RGS12: variants seen among roughly 807,000 people sequenced by gnomAD.
RGS12 encodes regulator of G-protein signaling 12.
RGS12 carries 66 observed loss-of-function variants against 120.1 expected under a neutral mutation model. The observed-to-expected ratio is 0.55, with a 90% CI of 0.45 to 0.67. RGS12 has a LOEUF of 0.67. RGS12 is among the 30% of genes least tolerant of loss of function. RGS12 has a pLI of 0.00. For missense variants in RGS12, 1,859 were observed against 1,957.7 expected (o/e 0.95, Z 0.95); for synonymous variants, 827 against 804.7 (o/e 1.03, Z -0.47).
chr4:3,437,877 G>T (rs55699784), intron 17 of RGS12, among the ~76,000 whole-genome samples: 1 of 152,036 alleles, frequency 6.6e-6, no homozygotes, highest in Non-Finnish European at 1.5e-5. Flanking sequence ...CACACCTTCC[G>T]CCCGCAGCCC....
At chr4:3,425,342 G>A (rs888602557) in intron 13 of RGS12, 122 bp from the exon 14 acceptor site, 120 of 859,476 alleles carry the variant, frequency 1.4e-4, no homozygotes, top group Admixed American at 2.5e-4. Flanking sequence ...GCCTCACCTC[G>A]GGGCCATCTC....
At position 3,423,564 on chromosome 4, in the gene RGS12, A is replaced by C; in HGVS notation, c.3157A>C (p.Thr1053Pro). 1 of 1,612,986 alleles carries C rather than the reference A, an allele frequency of 6.2e-7. No homozygotes were observed. The highest frequency in any genetic ancestry group is 8.5e-7 in the Non-Finnish European group (1 of 1,179,952). ...GTCAGTGGGACTCAAGGCCAAGCCCACCAAGCCCGTCACGGAGGTGCTGCG... is the reference window on the plus strand; with the variant it reads ...GTCAGTGGGACTCAAGGCCAAGCCCCCCAAGCCCGTCACGGAGGTGCTGCG... ...NRSVGLKAKP[T>P]KPVTEVLRPV... Residue 1053 changes from threonine to proline, a missense_variant, in exon 13 of 18, where the codon ACC (threonine) becomes CCC (proline). Physicochemically the swap from Thr to Pro is conservative, Grantham distance 38. This residue lies in a region of RGS12 where 375 missense variants were observed against 475.0 expected (regional missense o/e 0.79). Coordinates refer to ENST00000336727, the MANE Select transcript of RGS12 (RefSeq NM_001394154.1).
At position 3,414,779 on chromosome 4, in the gene RGS12, G is replaced by C. The variant is rs1722154235; in HGVS notation, c.2218G>C (p.Glu740Gln). The change falls in exon 6 of 18, where the codon GAA (glutamate) becomes CAA (glutamine). Residue 740 changes from glutamate to glutamine, a missense_variant. Transcript: ENST00000336727. Reference sequence around the variant, plus strand: ...TTTTCTAAGGAAAGAATTCAGTGAAGAAAACATTTTATTCTGGCAGGCCTG... The same window carrying C: ...TTTTCTAAGGAAAGAATTCAGTGAACAAAACATTTTATTCTGGCAGGCCTG... Reference protein sequence around the residue: ...SDFLRKEFSEENILFWQACEY... With the variant: ...SDFLRKEFSEQNILFWQACEY... 2 of 1,612,864 alleles carry C rather than the reference G, an allele frequency of 1.2e-6. No individual in the cohort carries two copies. The highest frequency in any genetic ancestry group is 1.7e-6 in the Non-Finnish European group (2 of 1,179,054).
chr4:3,307,320 C>G (rs1724031456), intron 1 of RGS12, among the ~76,000 whole-genome samples: 1 of 152,176 alleles, frequency 6.6e-6, no homozygotes. Flanking sequence ...GCTGCGGCAG[C>G]GTGTGCACAC....
chr4:3,346,982 G>A (rs1713854803), intron 3 of RGS12, among the ~76,000 whole-genome samples: 1 of 145,188 alleles, frequency 6.9e-6, no homozygotes, highest in African/African-American at 2.5e-5. Flanking sequence ...GCTACAAAGA[G>A]GGAACAGATT....
intron 3 of RGS12, among the ~76,000 whole-genome samples, chr4:3,377,297 C>A (rs1717807093): frequency 6.6e-6 from 1 of 152,162 alleles, no homozygotes; most frequent in Admixed American, 6.5e-5. Context: ...GTCTCGAACT[C>A]CTGAGCTCAA....
upstream of RGS12, among the ~76,000 whole-genome samples, chr4:3,288,905 C>T (rs566360297): frequency 3.3e-5 from 5 of 152,186 alleles, no homozygotes; most frequent in Non-Finnish European, 5.9e-5. The surrounding 1 kb of genome is among the most constrained non-coding windows in gnomAD (Gnocchi z 5.2). Flanking sequence ...GCCATCCCCC[C>T]ACCCCTACGA....
chr4:3,328,248 G>T (rs989378350), intron 2 of RGS12, among the ~76,000 whole-genome samples: 4 of 152,186 alleles, frequency 2.6e-5, no homozygotes, highest in Middle Eastern at 3.2e-3. Flanking sequence ...AAGGTGAGGG[G>T]TGGGAGGAGG....
In RGS12 at chr4:3,354,371, C is replaced by A. The variant is rs200863927; in HGVS notation, c.1998+11318C>A. ...TACACACCTGCCTTTCACATTTTGTCTTTAGTTGGTACTTAATCATACTGG... is the reference window on the plus strand; with the variant it reads ...TACACACCTGCCTTTCACATTTTGTATTTAGTTGGTACTTAATCATACTGG... On this transcript the variant is annotated intron_variant, in intron 3 of 17. Transcript: ENST00000336727. Among the ~76,000 whole-genome samples the A allele has an allele frequency of 3.3e-5, 5 of 152,278 alleles. No homozygotes were observed. The East Asian group carries it at 9.6e-4, about 29-fold the overall frequency.
chr4:3,349,626 T>G (rs540825900), intron 3 of RGS12, among the ~76,000 whole-genome samples: 13 of 152,296 alleles, frequency 8.5e-5, no homozygotes, highest in African/African-American at 2.4e-4. Context: ...TCGTATACTT[T>G]GTATACTGAA....
At chr4:3,342,611 G>T (rs765789465) in intron 2 of RGS12, 4 of 1,318,264 alleles carry the variant, frequency 3.0e-6, no homozygotes, top group Non-Finnish European at 4.0e-6. Flanking sequence ...ACCCTTGCAC[G>T]TGATTTCATT....
At chr4:3,417,328 C>G in intron 8 of RGS12, 60 bp from the exon 9 acceptor site, 1 of 1,510,294 alleles carries the variant, frequency 6.6e-7, no homozygotes, top group Non-Finnish European at 8.9e-7. Flanking sequence ...CTCCTTTGCA[C>G]TTAACGTAAT....
intron 2 of RGS12, among the ~76,000 whole-genome samples, chr4:3,335,659 G>A (rs1712370607): frequency 6.6e-6 from 1 of 152,220 alleles, no homozygotes; most frequent in South Asian, 2.1e-4. Flanking sequence ...CAGAAACAAT[G>A]GATGGGCTGG....
chr4:3,343,110 C>A, intron 3 of RGS12, 57 bp downstream of exon 3: 1 of 1,275,482 alleles, frequency 7.8e-7, no homozygotes, highest in Non-Finnish European at 1.1e-6. Context: ...AATGCAAGTC[C>A]ACCTTGCAGA....
intron 1 of RGS12, among the ~76,000 whole-genome samples, chr4:3,315,229 C>G (rs912319168): frequency 2.4e-4 from 37 of 152,288 alleles, no homozygotes; most frequent in African/African-American, 8.7e-4. Flanking sequence ...GTGTGGAATC[C>G]TTTCGCTGTA....
intron 3 of RGS12, among the ~76,000 whole-genome samples, chr4:3,363,246 G>A (rs1715910982): frequency 6.6e-6 from 1 of 152,216 alleles, no homozygotes; most frequent in Non-Finnish European, 1.5e-5. Context: ...AAATCCTAGT[G>A]TTTTTGGAAT....
chr4:3,413,970 A>G (rs1490782365), intron 4 of RGS12, 102 bp from the exon 5 acceptor site: 37 of 1,255,136 alleles, frequency 2.9e-5, no homozygotes, highest in Non-Finnish European at 3.7e-5. Flanking sequence ...TGGAGGGGAC[A>G]GAGCTTGCTG....
intron 1 of RGS12, chr4:3,314,266 C>A (rs1353567712): frequency 1.3e-5 from 2 of 152,106 alleles, no homozygotes; most frequent in African/African-American, 4.8e-5. Context: ...ATAGCCTTTC[C>A]ACTCTATCTA....
At chr4:3,435,779 C>T (rs541000985) in intron 17 of RGS12, among the ~76,000 whole-genome samples, 119 of 152,026 alleles carry the variant, frequency 7.8e-4, no homozygotes, top group African/African-American at 2.8e-3. Context: ...CCTGAAGTTC[C>T]AGCCAGGTCT....
Sources: allele counts gnomAD v4.1 joint callset (sites outside exome capture counted in the v4.1 genomes callset), GRCh38; gene constraint gnomAD v4.1.1; regional missense constraint gnomAD v4.1.1; non-coding constraint Gnocchi (gnomAD v3.1); transcripts MANE v1.5; gene names NCBI Gene and HGNC (gene_info 2026-07-23, HGNC 2026-07-21).